Variants in CAMTA1 observed in about 807,000 individuals in gnomAD.
CAMTA1 encodes the protein calmodulin-binding transcription activator 1.
In CAMTA1, 27 loss-of-function variants were observed where a neutral mutation model predicts 170.9. The ratio of observed to expected loss-of-function variants is 0.16; its 90% CI spans 0.12 to 0.22. CAMTA1 has a LOEUF of 0.22. CAMTA1 is among the 10% of genes least tolerant of loss of function. CAMTA1 has a pLI of 1.00. For synonymous variants in CAMTA1, 833 were observed against 891.5 expected, an observed-to-expected ratio of 0.93 and a Z score of 1.17; for missense variants, 1,619 against 2,217.2, an observed-to-expected ratio of 0.73 and a Z score of 5.42.
chr1:7,183,672 T>G (rs947849412), intron 4 of CAMTA1, among the ~76,000 whole-genome samples: 7 of 152,170 alleles, frequency 4.6e-5, no homozygotes, highest in African/African-American at 1.7e-4. Flanking sequence ...TTCTATGAAC[T>G]GGCATGGGGT....
chr1:7,746,955 C>T (rs1487116465), intron 18 of CAMTA1, among the ~76,000 whole-genome samples: 1 of 152,156 alleles, frequency 6.6e-6, no homozygotes, highest in Non-Finnish European at 1.5e-5. Context: ...CCTATTCTAC[C>T]TTGCCATCCT....
chr1:7,118,998 A>G (rs6689977), intron 4 of CAMTA1, among the ~76,000 whole-genome samples: 37,608 of 152,132 alleles, frequency 0.25, 4,875 homozygotes, highest in Middle Eastern at 0.37. Context: ...GGGATGAGAA[A>G]TAATTTGCTA....
intron 3 of CAMTA1, among the ~76,000 whole-genome samples, chr1:7,059,228 C>T (rs1252243023): frequency 2.6e-5 from 4 of 152,156 alleles, no homozygotes. Context: ...TCCTTACTGA[C>T]CTCAGAGACT....
rs563103788 is a variant in CAMTA1 at position 7,265,043 on chromosome 1, G to A, written c.438+15417G>A. Among the ~76,000 whole-genome samples the A allele has an allele frequency of 4.6e-3, 706 of 152,324 alleles. 5 individuals are homozygous for A. The highest frequency in any genetic ancestry group is 0.017 in the African/African-American group (689 of 41,556). ...GTGGGGAGGGAGCCTCAGGGGCCAG[G>A]GAGCCGGGTTTTTCTGGCCTCGTGC... is the stretch of plus-strand genomic sequence containing the variant. On this transcript the variant is annotated intron_variant, in intron 5 of 22. Coordinates refer to ENST00000303635, the MANE Select transcript of CAMTA1 (RefSeq NM_015215.4).
At chr1:6,836,612 C>T (rs952449801) in intron 3 of CAMTA1, among the ~76,000 whole-genome samples, 2 of 152,008 alleles carry the variant, frequency 1.3e-5, no homozygotes, top group Non-Finnish European at 2.9e-5. Context: ...TGCATGTGCG[C>T]GTATGTGCAT....
At chr1:7,539,987 A>G (rs2094590717) in intron 6 of CAMTA1, among the ~76,000 whole-genome samples, 1 of 152,176 alleles carries the variant, frequency 6.6e-6, no homozygotes, top group African/African-American at 2.4e-5. Context: ...GAGCCCAGCT[A>G]GGATGCTGAC....
In CAMTA1 at chr1:7,663,419, A is replaced by G. The variant is rs1454377365; in HGVS notation, c.872A>G (p.Glu291Gly). 1.3e-6 allele frequency: 2 copies of G among 1,558,674 alleles called. No homozygotes were observed. Among genetic ancestry groups the G allele is most frequent in the Admixed American group, 1.8e-5 (1 of 54,234 alleles). ...AKHRIISPKV[E>G]PRTGGYGSHS... ...CACCGCATCATCTCGCCCAAGGTGG[A>G]GCCACGGACAGGGGGGTACGGGAGC... The change falls in exon 9 of 23, where the codon GAG becomes GGG. Residue 291 changes from glutamate to glycine, a missense_variant. Around this residue, in one of 8 missense-constraint regions of CAMTA1, gnomAD observed 731 missense variants for 907.6 expected, o/e 0.81. Transcript: ENST00000303635.
rs1231915485 is a variant in CAMTA1, at chr1:7,248,116, C to T, written c.303-1375C>T. On this transcript the variant is annotated intron_variant, in intron 4 of 22. Coordinates refer to ENST00000303635, the MANE Select transcript of CAMTA1 (RefSeq NM_015215.4). The surrounding 1 kb of genome is among the most constrained non-coding windows in gnomAD (Gnocchi z 4.0). ...ATGACATAGTGGGGCTGGGTGGAAA[C>T]TACAATTAGCTGCAGTCACCCTGGT... is the stretch of plus-strand genomic sequence containing the variant. 2.0e-5 allele frequency among the ~76,000 whole-genome samples: 3 copies of T among 152,186 alleles called. No homozygotes were observed. Among genetic ancestry groups the T allele is most frequent in the Non-Finnish European group, 4.4e-5 (3 of 68,030 alleles).
intron 3 of CAMTA1, among the ~76,000 whole-genome samples, chr1:7,066,854 G>T (rs185225248): frequency 6.6e-6 from 1 of 152,362 alleles, no homozygotes; most frequent in East Asian, 1.9e-4. Flanking sequence ...TGTCATCTGG[G>T]AAGCATCATA....
At chr1:7,530,087 C>A (rs1343695175) in intron 6 of CAMTA1, among the ~76,000 whole-genome samples, 1 of 152,174 alleles carries the variant, frequency 6.6e-6, no homozygotes, top group African/African-American at 2.4e-5. Flanking sequence ...CCACCCACAG[C>A]CCTTGCTACC....
At chr1:7,593,997 G>A (rs555330915) in intron 6 of CAMTA1, among the ~76,000 whole-genome samples, 19 of 143,674 alleles carry the variant, frequency 1.3e-4, no homozygotes, top group African/African-American at 3.5e-4. Context: ...AGCCAAGATC[G>A]TACCACTACA....
chr1:7,160,542 T>A (rs1299030401), intron 4 of CAMTA1, among the ~76,000 whole-genome samples: 1 of 152,046 alleles, frequency 6.6e-6, no homozygotes, highest in East Asian at 1.9e-4. Context: ...TCCTTCCAAC[T>A]CCCTGACCAC....
chr1:7,357,009 A>G (rs555741325), intron 5 of CAMTA1, among the ~76,000 whole-genome samples: 30 of 152,086 alleles, frequency 2.0e-4, no homozygotes, highest in East Asian at 1.4e-3. Flanking sequence ...GGGCTTTTCA[A>G]TCCATTCCTA....
At chr1:6,841,435 T>G (rs1655654365) in intron 3 of CAMTA1, among the ~76,000 whole-genome samples, 2 of 152,144 alleles carry the variant, frequency 1.3e-5, no homozygotes, top group Admixed American at 6.5e-5. Flanking sequence ...GACGGAGAAG[T>G]CATTGTTGGA....
intron 3 of CAMTA1, among the ~76,000 whole-genome samples, chr1:7,062,315 G>C (rs1708340827): frequency 1.3e-5 from 2 of 152,192 alleles, no homozygotes; most frequent in African/African-American, 4.8e-5. Context: ...TGTGTCATGA[G>C]TTATATATTT....
At chr1:7,446,402 T>C (rs1030103507) in intron 5 of CAMTA1, among the ~76,000 whole-genome samples, 5 of 152,162 alleles carry the variant, frequency 3.3e-5, no homozygotes, top group Non-Finnish European at 7.4e-5. Flanking sequence ...AAAAGCTGCT[T>C]GGCCTGACTG....
chr1:7,529,174 CAGAAGTCCAGGAT>C (rs1301250205), intron 6 of CAMTA1, among the ~76,000 whole-genome samples: 1 of 152,208 alleles, frequency 6.6e-6, no homozygotes, highest in African/African-American at 2.4e-5. Context: ...GGACAGCCTA[CAGAAGTCCAGGAT>C]AGCTCTTGGA....
chr1:6,933,547 A>G (rs370435967), intron 3 of CAMTA1, among the ~76,000 whole-genome samples: 3 of 152,170 alleles, frequency 2.0e-5, no homozygotes, highest in African/African-American at 7.2e-5. Flanking sequence ...GGTGTGAGCC[A>G]CTGTGCCTGG....
At chr1:7,632,241 C>T (rs573754571) in intron 6 of CAMTA1, among the ~76,000 whole-genome samples, 3 of 152,332 alleles carry the variant, frequency 2.0e-5, no homozygotes, top group East Asian at 1.9e-4. Context: ...GAGCTTGTGA[C>T]GCAGGCAATG....
Sources: allele counts gnomAD v4.1 joint callset (sites outside exome capture counted in the v4.1 genomes callset), GRCh38; gene constraint gnomAD v4.1.1; regional missense constraint gnomAD v4.1.1; non-coding constraint Gnocchi (gnomAD v3.1); transcripts MANE v1.5; gene names NCBI Gene and HGNC (gene_info 2026-07-23, HGNC 2026-07-21).